Variants in SNTB2 observed in about 807,000 individuals in gnomAD.
SNTB2 encodes the protein beta-2-syntrophin.
SNTB2 carries 34 observed loss-of-function variants against 46.2 expected under a neutral mutation model. The ratio of observed to expected loss-of-function variants is 0.74; its 90% CI spans 0.56 to 0.98. SNTB2 has a LOEUF of 0.98. SNTB2 is among the 50% of genes least tolerant of loss of function. The pLI, the probability that SNTB2 is intolerant of heterozygous loss-of-function variation, is 0.00. For synonymous variants in SNTB2, 290 were observed against 312.6 expected, an observed-to-expected ratio of 0.93 and a Z score of 0.76; for missense variants, 603 against 731.4, an observed-to-expected ratio of 0.82 and a Z score of 2.02.
At chr16:69,221,221 T>TC (rs1423383709) in intron 1 of SNTB2, among the ~76,000 whole-genome samples, 2 of 152,212 alleles carry the variant, frequency 1.3e-5, no homozygotes, top group Non-Finnish European at 2.9e-5. Context: ...ACTTACATAC[T>TC]CCATTGCATT....
intron 4 of SNTB2, among the ~76,000 whole-genome samples, chr16:69,271,776 A>C (rs531425843): frequency 1.2e-4 from 18 of 152,326 alleles, no homozygotes; most frequent in African/African-American, 3.1e-4. Flanking sequence ...CTTTTTTAAA[A>C]TGTGTGCACC....
At chr16:69,251,189 G>A (rs1441090379) in intron 2 of SNTB2, among the ~76,000 whole-genome samples, 20 of 150,702 alleles carry the variant, frequency 1.3e-4, no homozygotes, top group East Asian at 4.1e-4. Flanking sequence ...CGTTTTAGCC[G>A]GGATGGTCTC....
At chr16:69,198,053 GT>G in intron 1 of SNTB2, among the ~76,000 whole-genome samples, 1 of 150,098 alleles carries the variant, frequency 6.7e-6, no homozygotes, top group Non-Finnish European at 1.5e-5. Flanking sequence ...CACCAGAGAT[GT>G]TTTGATATTG....
At position 69,245,819 on chromosome 16, in the gene SNTB2, A is replaced by C. The variant is rs1382188228; in HGVS notation, c.794+4A>C. The C allele has an allele frequency of 1.2e-6, 2 of 1,613,602 alleles. No individual in the cohort carries two copies. Among genetic ancestry groups the C allele is most frequent in the Admixed American group, 3.3e-5 (2 of 60,002 alleles). On this transcript the variant is annotated splice_donor_region_variant and intron_variant, in intron 2 of 6. Transcript: ENST00000336278. ...GCATGCCGGATCTGGAAAACAGGTG[A>C]GGTGTACCTAACAAGAACATCATAC...
chr16:69,298,346 A>G (rs1200524413), intron 5 of SNTB2, among the ~76,000 whole-genome samples: 2 of 152,012 alleles, frequency 1.3e-5, no homozygotes, highest in Non-Finnish European at 2.9e-5. Flanking sequence ...TTTGCTGAGT[A>G]TAGCCTTTAA....
chr16:69,245,891 T>C (rs1964666307), intron 2 of SNTB2, 76 bp downstream of exon 2: 1 of 1,425,756 alleles, frequency 7.0e-7, no homozygotes, highest in Admixed American at 1.7e-5. Flanking sequence ...TATATGACTC[T>C]GTTAACTCAG....
rs150257839 is a variant in SNTB2 at position 69,288,098 on chromosome 16, A to T, written c.1345+3854A>T. On this transcript the variant is annotated intron_variant, in intron 5 of 6. Coordinates refer to ENST00000336278, the MANE Select transcript of SNTB2 (RefSeq NM_006750.4). ...TGGCTTACACCAGAATCACACTGGGATGCTCTGTGTTCCTGTGGGCAGTCG... is the reference window on the plus strand; with the variant it reads ...TGGCTTACACCAGAATCACACTGGGTTGCTCTGTGTTCCTGTGGGCAGTCG... Among the ~76,000 whole-genome samples the T allele has an allele frequency of 2.0e-5, 3 of 152,160 alleles. No individual in the cohort carries two copies. In the South Asian group the frequency reaches 6.2e-4, roughly 32 times the overall value.
intron 1 of SNTB2, among the ~76,000 whole-genome samples, chr16:69,229,210 C>T (rs1964484147): frequency 1.3e-5 from 2 of 152,164 alleles, no homozygotes; most frequent in African/African-American, 4.8e-5. Flanking sequence ...CTCACTCTGT[C>T]ATTCAGGCTG....
In SNTB2 at chr16:69,270,123, G is replaced by C. The variant is rs1964923906; in HGVS notation, c.1006-20G>C. ...GTGATTATAGTTAGCCCTGATTTCT[G>C]AATTTTTCCATTGTAACAGGCAAAA... On this transcript the variant is annotated intron_variant, in intron 3 of 6. Transcript: ENST00000336278. The C allele has an allele frequency of 4.3e-6, 7 of 1,613,462 alleles. No homozygotes were observed. The Middle Eastern group carries it at 9.9e-4, about 228-fold the overall frequency.
intron 1 of SNTB2, among the ~76,000 whole-genome samples, chr16:69,228,353 A>G (rs1964477613): frequency 6.6e-6 from 1 of 151,878 alleles, no homozygotes; most frequent in Non-Finnish European, 1.5e-5. Flanking sequence ...TAAAAATACA[A>G]AAATTAGCCA....
At chr16:69,298,685 C>A (rs1567418000) in intron 5 of SNTB2, among the ~76,000 whole-genome samples, 1 of 151,912 alleles carries the variant, frequency 6.6e-6, no homozygotes, top group Non-Finnish European at 1.5e-5. Flanking sequence ...CCATGGCTGG[C>A]TAATTTTTGT....
intron 1 of SNTB2, among the ~76,000 whole-genome samples, chr16:69,200,895 G>A (rs1964154372): frequency 6.6e-6 from 1 of 152,138 alleles, no homozygotes; most frequent in Non-Finnish European, 1.5e-5. Flanking sequence ...GACTGATAAA[G>A]TTGAGAGATC....
intron 5 of SNTB2, among the ~76,000 whole-genome samples, chr16:69,286,839 G>T (rs1341447175): frequency 1.3e-5 from 2 of 152,200 alleles, no homozygotes; most frequent in East Asian, 3.9e-4. Context: ...CCTGTGAATA[G>T]CCACTGTACT....
intron 2 of SNTB2, among the ~76,000 whole-genome samples, chr16:69,248,286 A>G (rs1292451155): frequency 6.6e-6 from 1 of 152,242 alleles, no homozygotes; most frequent in Non-Finnish European, 1.5e-5. Context: ...TGAATCATCT[A>G]AGTGCAACAC....
intron 1 of SNTB2, among the ~76,000 whole-genome samples, chr16:69,206,429 C>T (rs932495974): frequency 5.9e-5 from 9 of 152,144 alleles, no homozygotes; most frequent in East Asian, 1.9e-4. Flanking sequence ...AGGCCAGGCG[C>T]GGTGGCTCAC....
intron 1 of SNTB2, among the ~76,000 whole-genome samples, chr16:69,205,478 G>A (rs1489466645): frequency 6.6e-6 from 1 of 151,960 alleles, no homozygotes; most frequent in African/African-American, 2.4e-5. Flanking sequence ...GATTACAGGT[G>A]TGAGCCACCT....
chr16:69,260,281 G>C (rs1964822943), intron 3 of SNTB2, 21 bp downstream of exon 3: 2 of 1,609,126 alleles, frequency 1.2e-6, no homozygotes, highest in Non-Finnish European at 1.7e-6. Flanking sequence ...AGGCAGGGCA[G>C]AGTATCACCT....
At chr16:69,188,500 T>C (rs1229656941) in intron 1 of SNTB2, among the ~76,000 whole-genome samples, 2 of 152,248 alleles carry the variant, frequency 1.3e-5, no homozygotes, top group African/African-American at 4.8e-5. Flanking sequence ...CCAGGATTAT[T>C]CTTTACGTTA....
At position 69,205,370 on chromosome 16, in the gene SNTB2, C is replaced by A. The variant is rs137870892; in HGVS notation, c.580+17624C>A. ...TACTCTAAGTTTTAGGGTACATGTGCACATTGTGCAGTAGAGACGGGGTTT... is the reference window on the plus strand; with the variant it reads ...TACTCTAAGTTTTAGGGTACATGTGAACATTGTGCAGTAGAGACGGGGTTT... On this transcript the variant is annotated intron_variant, in intron 1 of 6. Coordinates refer to ENST00000336278, the MANE Select transcript of SNTB2 (RefSeq NM_006750.4). 1.8e-3 allele frequency among the ~76,000 whole-genome samples: 266 copies of A among 145,610 alleles called. 1 individual carries two copies. Among genetic ancestry groups the A allele is most frequent in the African/African-American group, 6.5e-3 (255 of 39,030 alleles).
Sources: allele counts gnomAD v4.1 joint callset (sites outside exome capture counted in the v4.1 genomes callset), GRCh38; gene constraint gnomAD v4.1.1; transcripts MANE v1.5; gene names NCBI Gene and HGNC (gene_info 2026-07-23, HGNC 2026-07-21).